SEMA5A: variants seen among roughly 807,000 people sequenced by gnomAD.
SEMA5A encodes semaphorin-5A.
SEMA5A carries 55 observed loss-of-function variants against 135.5 expected under a neutral mutation model. That is an observed-to-expected ratio of 0.41 (90% confidence interval 0.33 to 0.51). The LOEUF (loss-of-function observed/expected upper bound fraction) is 0.51, where lower values mean the gene tolerates loss of function less well. Ranked by LOEUF, SEMA5A falls within the 20% of genes least tolerant of loss-of-function variation. The pLI, the probability that SEMA5A is intolerant of heterozygous loss-of-function variation, is 0.37. For synonymous variants in SEMA5A, 580 were observed against 546.5 expected, an observed-to-expected ratio of 1.06 and a Z score of -0.85; for missense variants, 1,290 against 1,419.9, an observed-to-expected ratio of 0.91 and a Z score of 1.47.
intron 2 of SEMA5A, among the ~76,000 whole-genome samples, chr5:9,436,090 C>T (rs1758019385): frequency 6.6e-6 from 1 of 152,216 alleles, no homozygotes; most frequent in Non-Finnish European, 1.5e-5. Flanking sequence ...TATTTAAGCT[C>T]TCTGTGCCTC....
intron 22 of SEMA5A, 105 bp from the exon 23 acceptor site, chr5:9,043,121 A>T: frequency 4.0e-6 from 4 of 987,792 alleles, no homozygotes. Context: ...CTCTGCTAAG[A>T]CTCCATATTT....
rs191747245 is a variant in SEMA5A, at chr5:9,288,989, C to T, written c.270+29383G>A. 1.0e-3 allele frequency among the ~76,000 whole-genome samples: 157 copies of T among 152,260 alleles called. 3 individuals are homozygous for T. Among genetic ancestry groups the T allele is most frequent in the African/African-American group, 3.3e-3 (138 of 41,558 alleles). On this transcript the variant is annotated intron_variant, in intron 5 of 22. Transcript: ENST00000382496. ...TCTTTTGTCAGAAAGTGAATCCTAG[C>T]GTAGTGACATTGCCATTGATGGTTT...
At chr5:9,466,862 T>C (rs529659671) in intron 1 of SEMA5A, among the ~76,000 whole-genome samples, 12 of 152,328 alleles carry the variant, frequency 7.9e-5, no homozygotes, top group Non-Finnish European at 1.5e-4. Flanking sequence ...AAGGGAGAGA[T>C]TGCCTTTTCG....
chr5:9,315,737 T>C (rs1323289019), intron 5 of SEMA5A, among the ~76,000 whole-genome samples: 2 of 152,228 alleles, frequency 1.3e-5, no homozygotes, highest in African/African-American at 4.8e-5. Flanking sequence ...GACATCTTGC[T>C]GCGTCCTCTG....
intron 8 of SEMA5A, among the ~76,000 whole-genome samples, chr5:9,203,903 G>T (rs758186243): frequency 6.6e-6 from 1 of 151,786 alleles, no homozygotes; most frequent in Non-Finnish European, 1.5e-5. Flanking sequence ...ATATCCTGGA[G>T]AGATGTTCAC....
chr5:9,183,548 G>A (rs976383843), intron 11 of SEMA5A, among the ~76,000 whole-genome samples: 5 of 152,280 alleles, frequency 3.3e-5, no homozygotes, highest in East Asian at 1.9e-4. Context: ...TGTCAGCCAC[G>A]GGGGCAGCTG....
intron 5 of SEMA5A, among the ~76,000 whole-genome samples, chr5:9,266,485 T>A (rs947668594): frequency 1.3e-5 from 2 of 152,324 alleles, no homozygotes; most frequent in African/African-American, 4.8e-5. Context: ...AATGATAAAA[T>A]GCTAAGTTGA....
At chr5:9,361,981 G>A (rs1258428682) in intron 3 of SEMA5A, among the ~76,000 whole-genome samples, 1 of 152,138 alleles carries the variant, frequency 6.6e-6, no homozygotes, top group East Asian at 1.9e-4. Context: ...GGCCCCTGCT[G>A]GCAAGGAAGG....
intron 8 of SEMA5A, among the ~76,000 whole-genome samples, chr5:9,209,651 G>T (rs960573552): frequency 6.6e-6 from 1 of 152,150 alleles, no homozygotes; most frequent in Non-Finnish European, 1.5e-5. Context: ...ATAAGGAAAC[G>T]TGCATGATGG....
At chr5:9,456,973 A>G (rs1333449385) in intron 1 of SEMA5A, among the ~76,000 whole-genome samples, 8 of 152,188 alleles carry the variant, frequency 5.3e-5, no homozygotes, top group African/African-American at 1.7e-4. Flanking sequence ...TTTCTCCATC[A>G]TGAACGTAAC....
At chr5:9,105,289 A>G (rs2150149677) in intron 16 of SEMA5A, among the ~76,000 whole-genome samples, 1 of 152,366 alleles carries the variant, frequency 6.6e-6, no homozygotes, top group East Asian at 1.9e-4. Context: ...GTCTAAGACA[A>G]GGATGTAGAA....
intron 1 of SEMA5A, among the ~76,000 whole-genome samples, chr5:9,525,999 G>T (rs541202173): frequency 6.6e-6 from 1 of 152,160 alleles, no homozygotes; most frequent in Non-Finnish European, 1.5e-5. Flanking sequence ...ACACTTTAAA[G>T]ATTTATAGAG....
chr5:9,196,771 A>T (rs1745409285), intron 10 of SEMA5A, among the ~76,000 whole-genome samples: 1 of 152,148 alleles, frequency 6.6e-6, no homozygotes, highest in South Asian at 2.1e-4. Flanking sequence ...TTAGCGCTCT[A>T]ATCCTGTTTG....
chr5:9,234,981 A>G (rs909095778), intron 6 of SEMA5A, among the ~76,000 whole-genome samples: 1 of 152,210 alleles, frequency 6.6e-6, no homozygotes, highest in Non-Finnish European at 1.5e-5. Flanking sequence ...AGCACCAAAC[A>G]ACCAATGATC....
Position 9,316,693 on chromosome 5 carries a change from G to A in SEMA5A, c.270+1679C>T, listed in dbSNP as rs150553217. On this transcript the variant is annotated intron_variant, in intron 5 of 22. Coordinates refer to ENST00000382496, the MANE Select transcript of SEMA5A (RefSeq NM_003966.3). ...CAAATAAAAATTATATATATTGATA[G>A]TGTACAACATGTCACTTTGATATAC... 2.7e-4 allele frequency among the ~76,000 whole-genome samples: 41 copies of A among 152,124 alleles called. No homozygotes were observed. In the East Asian group the frequency reaches 7.9e-3, roughly 29 times the overall value.
chr5:9,401,122 C>T (rs1330606159), intron 2 of SEMA5A, among the ~76,000 whole-genome samples: 1 of 152,012 alleles, frequency 6.6e-6, no homozygotes, highest in African/African-American at 2.4e-5. Flanking sequence ...TTTTTTTCCA[C>T]TGTTCAAGCA....
At chr5:9,160,642 A>AAT (rs142620982) in intron 11 of SEMA5A, among the ~76,000 whole-genome samples, 58,514 of 151,544 alleles carry the variant, frequency 0.39, 13,974 homozygotes, top group Non-Finnish European at 0.55. Context: ...AACAATTCTT[A>AAT]ATATATATAT....
Position 9,246,789 on chromosome 5 carries a change from C to T in SEMA5A, c.271-8899G>A, listed in dbSNP as rs571326598. On this transcript the variant is annotated intron_variant, in intron 5 of 22. Transcript: ENST00000382496. ...AAAACCTTGACCAACACTAGGAAAA[C>T]ACAACTTGATATAATGAAGCCTGCC... Among the ~76,000 whole-genome samples, 5 of 152,212 alleles carry T rather than the reference C, an allele frequency of 3.3e-5. No individual in the cohort carries two copies. In the South Asian group the frequency reaches 8.3e-4, roughly 25 times the overall value.
chr5:9,398,462 G>A (rs981586831), intron 2 of SEMA5A, among the ~76,000 whole-genome samples: 3 of 152,228 alleles, frequency 2.0e-5, no homozygotes, highest in Non-Finnish European at 4.4e-5. Flanking sequence ...TTTTTCTCCA[G>A]TGGTTAATGG....
Sources: allele counts gnomAD v4.1 joint callset (sites outside exome capture counted in the v4.1 genomes callset), GRCh38; gene constraint gnomAD v4.1.1; transcripts MANE v1.5; gene names NCBI Gene and HGNC (gene_info 2026-07-23, HGNC 2026-07-21).